IMMP2L: variants seen among roughly 807,000 people sequenced by gnomAD.
The protein encoded by IMMP2L is mitochondrial inner membrane protease subunit 2.
Under a neutral mutation model 19.3 loss-of-function variants are expected in IMMP2L, and 18 were observed. The observed-to-expected ratio is 0.93, with a 90% CI of 0.64 to 1.38. The LOEUF (loss-of-function observed/expected upper bound fraction) is 1.38, where lower values mean the gene tolerates loss of function less well. Ranked by LOEUF, IMMP2L falls within the 40% of genes most tolerant of loss-of-function variation. The pLI, the probability that IMMP2L is intolerant of heterozygous loss-of-function variation, is 0.00. For synonymous variants in IMMP2L, 76 were observed against 73.0 expected, an observed-to-expected ratio of 1.04 and a Z score of -0.21; for missense variants, 233 against 218.2, an observed-to-expected ratio of 1.07 and a Z score of -0.43.
intron 3 of IMMP2L, among the ~76,000 whole-genome samples, chr7:111,214,511 T>C (rs1233122925): frequency 7.0e-6 from 1 of 142,930 alleles, no homozygotes; most frequent in African/African-American, 2.6e-5. Flanking sequence ...TCTGTTTTTT[T>C]TTTTTTTTTT....
At chr7:111,267,740 T>G (rs1286517126) in intron 3 of IMMP2L, among the ~76,000 whole-genome samples, 1 of 152,152 alleles carries the variant, frequency 6.6e-6, no homozygotes, top group African/African-American at 2.4e-5. Flanking sequence ...TATACTATTC[T>G]CCAGGGGTAA....
At chr7:110,788,341 A>G (rs1250013626) in intron 5 of IMMP2L, among the ~76,000 whole-genome samples, 2 of 149,358 alleles carry the variant, frequency 1.3e-5, no homozygotes, top group Non-Finnish European at 2.9e-5. Flanking sequence ...TCCACATCTT[A>G]TAATAGCACG....
chr7:111,062,740 G>A (rs1022412430), intron 3 of IMMP2L, among the ~76,000 whole-genome samples: 1 of 152,220 alleles, frequency 6.6e-6, no homozygotes, highest in African/African-American at 2.4e-5. Flanking sequence ...CCTCATGCAA[G>A]TTCAAAATCC....
At chr7:111,033,022 A>T (rs1263973303) in intron 3 of IMMP2L, among the ~76,000 whole-genome samples, 1 of 152,142 alleles carries the variant, frequency 6.6e-6, no homozygotes. Flanking sequence ...CAGGAGGCTG[A>T]GTCATGAGAA....
chr7:111,212,178 C>A (rs1268919487), intron 3 of IMMP2L, among the ~76,000 whole-genome samples: 3 of 152,250 alleles, frequency 2.0e-5, no homozygotes, highest in South Asian at 4.1e-4. Flanking sequence ...CTCTATCTCT[C>A]TCTCTCTCTC....
chr7:111,139,149 C>A (rs971006944), intron 3 of IMMP2L, among the ~76,000 whole-genome samples: 1 of 151,952 alleles, frequency 6.6e-6, no homozygotes, highest in African/African-American at 2.4e-5. Flanking sequence ...ATTTTTTTAT[C>A]TTTGCCCTAT....
At chr7:111,304,808 TA>T (rs1453624400) in intron 3 of IMMP2L, among the ~76,000 whole-genome samples, 1 of 151,188 alleles carries the variant, frequency 6.6e-6, no homozygotes, top group African/African-American at 2.4e-5. Flanking sequence ...AATATATAAT[TA>T]GAAGGGAAAT....
chr7:110,714,872 G>C (rs1795137338), intron 5 of IMMP2L, among the ~76,000 whole-genome samples: 1 of 152,282 alleles, frequency 6.6e-6, no homozygotes, highest in Middle Eastern at 3.4e-3. Flanking sequence ...TGGGATTACA[G>C]GCGTGAACCA....
At chr7:111,516,964 T>G (rs937673223) in intron 2 of IMMP2L, among the ~76,000 whole-genome samples, 4 of 152,228 alleles carry the variant, frequency 2.6e-5, no homozygotes, top group South Asian at 2.1e-4. Context: ...CCAGGTAACA[T>G]AAAACTCCAT....
intron 3 of IMMP2L, among the ~76,000 whole-genome samples, chr7:111,037,241 A>T (rs1791440335): frequency 6.6e-6 from 1 of 152,168 alleles, no homozygotes; most frequent in Non-Finnish European, 1.5e-5. Flanking sequence ...TAATCTTAAG[A>T]TTTATATTTT....
Position 111,403,550 on chromosome 7 carries a change from A to C in IMMP2L, c.239+83688T>G, listed in dbSNP as rs1018860547. On this transcript the variant is annotated intron_variant, in intron 3 of 5. Transcript: ENST00000405709. ...TGCAATGTACCAGGTTGGTACAATC[A>C]CTGCAGCCTCAAGTAGTAAGTATTC... Among the ~76,000 whole-genome samples the C allele has an allele frequency of 3.3e-5, 5 of 152,184 alleles. No individual in the cohort carries two copies. The South Asian group carries it at 1.0e-3, about 32-fold the overall frequency.
At chr7:111,205,647 TTAA>T (rs947749613) in intron 3 of IMMP2L, among the ~76,000 whole-genome samples, 7 of 152,114 alleles carry the variant, frequency 4.6e-5, no homozygotes, top group African/African-American at 7.2e-5. Context: ...TAAATAAAAA[TTAA>T]TAATAACAAA....
intron 3 of IMMP2L, among the ~76,000 whole-genome samples, chr7:111,178,682 C>T (rs1330398127): frequency 6.6e-6 from 1 of 152,044 alleles, no homozygotes. Context: ...CTCAAGAAAC[C>T]ACTTTCTTTG....
intron 4 of IMMP2L, among the ~76,000 whole-genome samples, chr7:110,891,864 G>A (rs970070618): frequency 1.3e-5 from 2 of 152,044 alleles, no homozygotes; most frequent in Non-Finnish European, 2.9e-5. Context: ...AGAAAGATAT[G>A]GGAAGCATTG....
At chr7:110,802,030 G>A (rs111282130) in intron 5 of IMMP2L, among the ~76,000 whole-genome samples, 3,921 of 152,074 alleles carry the variant, frequency 0.026, 64 homozygotes, top group Middle Eastern at 0.058. Flanking sequence ...CATGGAGCCC[G>A]GGGCATACAC....
intron 5 of IMMP2L, among the ~76,000 whole-genome samples, chr7:110,669,332 T>C (rs992606194): frequency 2.0e-5 from 3 of 152,116 alleles, no homozygotes; most frequent in Admixed American, 6.6e-5. Flanking sequence ...TGTTCCTTCT[T>C]ACTCAGGGGA....
intron 5 of IMMP2L, among the ~76,000 whole-genome samples, chr7:110,734,314 G>C (rs1796473995): frequency 6.6e-6 from 1 of 152,148 alleles, no homozygotes; most frequent in Non-Finnish European, 1.5e-5. Flanking sequence ...ACAACTTATT[G>C]GAAACTGGAG....
intron 3 of IMMP2L, among the ~76,000 whole-genome samples, chr7:110,978,159 A>G (rs992103316): frequency 6.6e-6 from 1 of 152,062 alleles, no homozygotes; most frequent in Non-Finnish European, 1.5e-5. Flanking sequence ...AAGCCACTAG[A>G]AAGTTGAAAA....
chr7:110,863,812 G>A (rs1807703687), intron 5 of IMMP2L, among the ~76,000 whole-genome samples: 1 of 152,022 alleles, frequency 6.6e-6, no homozygotes, highest in African/African-American at 2.4e-5. Flanking sequence ...AGCTTATGAT[G>A]GTTTTATTGG....
Sources: gnomAD v4.1 joint callset for allele counts (sites outside exome capture counted in the v4.1 genomes callset) on GRCh38, gnomAD v4.1.1 for gene constraint, MANE v1.5 for transcripts, NCBI Gene and HGNC (gene_info 2026-07-23, HGNC 2026-07-21) for gene names.